Variants in ATP1B3 observed in about 807,000 individuals in gnomAD.
The protein encoded by ATP1B3 is ATPase Na+/K+ transporting subunit beta 3, also known as sodium/potassium-transporting ATPase subunit beta-3.
In ATP1B3, 10 loss-of-function variants were observed where a neutral mutation model predicts 30.2. That is an observed-to-expected ratio of 0.33 (90% confidence interval 0.20 to 0.56). The LOEUF (loss-of-function observed/expected upper bound fraction) is 0.56. Ranked by LOEUF, ATP1B3 falls within the 20% of genes least tolerant of loss-of-function variation. The pLI is 0.90. For synonymous variants in ATP1B3, 113 were observed against 117.0 expected (o/e 0.97, Z 0.22); for missense variants, 238 against 336.7 (o/e 0.71, Z 2.29).
In ATP1B3 at chr3:141,925,628, C is replaced by T; in HGVS notation, c.767C>T (p.Ala256Val). 1.2e-6 allele frequency: 2 copies of T among 1,613,464 alleles called. No homozygotes were observed. The highest frequency in any genetic ancestry group is 2.2e-5 in the East Asian group (1 of 44,880). Reference protein sequence around the residue: ...VTVECKIDGSANLKSQDDRDK... With the variant: ...VTVECKIDGSVNLKSQDDRDK... The stretch of plus-strand genomic sequence containing the variant: ...GTTGAGTGCAAGATTGATGGATCAG[C>T]CAACCTAAAAAGTCAGGATGATCGT... The change falls in exon 7 of 7, where the codon GCC becomes GTC. Residue 256 changes from alanine to valine, a missense_variant. This residue lies in a region of ATP1B3 where 50 missense variants were observed against 62.3 expected (regional missense o/e 0.80). Coordinates refer to ENST00000286371, the MANE Select transcript of ATP1B3 (RefSeq NM_001679.4).
In ATP1B3 at chr3:141,876,888, G is replaced by A; in HGVS notation, c.87G>A (p.Leu29=). 4 of 1,581,392 alleles carry A rather than the reference G, an allele frequency of 2.5e-6. No homozygotes were observed. The highest frequency in any genetic ancestry group is 2.3e-5 in the South Asian group (2 of 88,814). Residue 29 remains leucine, a synonymous_variant, in exon 1 of 7, where the codon CTG becomes CTA. Coordinates refer to ENST00000286371, the MANE Select transcript of ATP1B3 (RefSeq NM_001679.4). ...FIYNPTTGEF[L]GRTAKSWGLI... is the part of the protein sequence containing the mutation. ...ACAACCCGACCACCGGAGAATTCCT[G>A]GGGCGCACCGCCAAGAGCTGGGGTG...
At chr3:141,900,207 C>T (rs2107771111) in intron 1 of ATP1B3, among the ~76,000 whole-genome samples, 1 of 152,048 alleles carries the variant, frequency 6.6e-6, no homozygotes, top group African/African-American at 2.4e-5. Context: ...AAACCAAGTC[C>T]CTACATGGTT....
intron 5 of ATP1B3, chr3:141,916,613 A>G (rs1020333746): frequency 8.3e-6 from 10 of 1,200,824 alleles, no homozygotes; most frequent in Non-Finnish European, 1.1e-5. Flanking sequence ...TAAATTTATC[A>G]TTGTGCTAAA....
At chr3:141,915,190 T>C (rs1444450669) in intron 4 of ATP1B3, among the ~76,000 whole-genome samples, 1 of 152,184 alleles carries the variant, frequency 6.6e-6, no homozygotes, top group African/African-American at 2.4e-5. Flanking sequence ...CCTGAGACCA[T>C]GCTTGCTGAT....
Position 141,876,662 on chromosome 3 carries a change from C to T in ATP1B3, c.-140C>T, listed in dbSNP as rs1012774592. On this transcript the variant is annotated 5_prime_UTR_variant, in exon 1 of 7. Transcript: ENST00000286371. ...CGGCGCAGTCGGCTCGAGTACTCCC[C>T]GTAACGAGGAGGTGTTCTCGGCCGT... 4 of 545,354 alleles carry T rather than the reference C, an allele frequency of 7.3e-6. No individual in the cohort carries two copies. Among genetic ancestry groups the T allele is most frequent in the South Asian group, 6.4e-5 (3 of 46,944 alleles). 33.8% of individuals were successfully genotyped at this position (545,354 alleles called of 1,614,324 possible).
At chr3:141,878,077 T>G (rs950852076) in intron 1 of ATP1B3, among the ~76,000 whole-genome samples, 1 of 152,174 alleles carries the variant, frequency 6.6e-6, no homozygotes, top group Non-Finnish European at 1.5e-5. Flanking sequence ...ACTTGAAGTC[T>G]TATCACAAGC....
chr3:141,905,165 G>A (rs1934240859), intron 2 of ATP1B3, among the ~76,000 whole-genome samples: 1 of 152,168 alleles, frequency 6.6e-6, no homozygotes, highest in African/African-American at 2.4e-5. Flanking sequence ...TGACAGAGAA[G>A]GGAAGGTTCT....
intron 1 of ATP1B3, among the ~76,000 whole-genome samples, chr3:141,883,528 G>GA (rs1933772687): frequency 6.6e-6 from 1 of 152,030 alleles, no homozygotes; most frequent in South Asian, 2.1e-4. Flanking sequence ...AAAAAGTTAA[G>GA]ACTCAACAAA....
chr3:141,902,502 A>G (rs1934183564), intron 1 of ATP1B3, among the ~76,000 whole-genome samples: 1 of 152,234 alleles, frequency 6.6e-6, no homozygotes, highest in Non-Finnish European at 1.5e-5. Flanking sequence ...CTTGAAATAC[A>G]AGTGACTTTA....
intron 5 of ATP1B3, among the ~76,000 whole-genome samples, chr3:141,919,760 GAAACCCCAT>G (rs755616843): frequency 1.9e-4 from 29 of 151,822 alleles, no homozygotes; most frequent in Non-Finnish European, 3.4e-4. Context: ...CTAACATGGT[GAAACCCCAT>G]CTCTACTAAA....
At chr3:141,889,144 G>GA (rs1360162994) in intron 1 of ATP1B3, among the ~76,000 whole-genome samples, 1 of 152,062 alleles carries the variant, frequency 6.6e-6, no homozygotes, top group Non-Finnish European at 1.5e-5. Context: ...ATTATCACAA[G>GA]AACAGCAAGG....
intron 2 of ATP1B3, 40 bp downstream of exon 2, chr3:141,903,788 GTT>G: frequency 6.9e-7 from 1 of 1,449,016 alleles, no homozygotes; most frequent in Admixed American, 2.0e-5. Flanking sequence ...TTTGTTTTTT[GTT>G]TTTTTTTTGA....
Position 141,876,792 on chromosome 3 carries a change from C to T in ATP1B3, c.-10C>T. The T allele has an allele frequency of 1.3e-6, 2 of 1,587,534 alleles. No homozygotes were observed. The highest frequency in any genetic ancestry group is 8.6e-7 in the Non-Finnish European group (1 of 1,165,790). ...CGGCCGCAGCTCCTCTCGCCGTCCG[C>T]GCGCACACCATGACGAAGAACGAGA... On this transcript the variant is annotated 5_prime_UTR_variant, in exon 1 of 7. Coordinates refer to ENST00000286371, the MANE Select transcript of ATP1B3 (RefSeq NM_001679.4).
At position 141,913,847 on chromosome 3, in the gene ATP1B3, A is replaced by G. The variant is rs1934410157; in HGVS notation, c.531+11A>G. 6.3e-7 allele frequency: 1 copy of G among 1,584,116 alleles called. No homozygotes were observed. Among genetic ancestry groups the G allele is most frequent in the Non-Finnish European group, 8.6e-7 (1 of 1,167,816 alleles). ...GTGAAAATGAACAGAGTACGTACAT[A>G]TTTTACCTCTGCTGCTGCTTTTTTC... On this transcript the variant is annotated intron_variant, in intron 4 of 6. Coordinates refer to ENST00000286371, the MANE Select transcript of ATP1B3 (RefSeq NM_001679.4).
chr3:141,888,826 A>G, intron 1 of ATP1B3, among the ~76,000 whole-genome samples: 1 of 152,218 alleles, frequency 6.6e-6, no homozygotes, highest in African/African-American at 2.4e-5. Context: ...CCGCCATGTA[A>G]GATGTGACTT....
intron 1 of ATP1B3, 93 bp downstream of exon 1, chr3:141,877,003 C>G: frequency 9.8e-7 from 1 of 1,016,672 alleles, no homozygotes; most frequent in Non-Finnish European, 1.3e-6. Context: ...GAGGCGGCTC[C>G]CAGCGCCGGG....
chr3:141,877,325 C>T (rs1175224970), intron 1 of ATP1B3, among the ~76,000 whole-genome samples: 3 of 152,036 alleles, frequency 2.0e-5, no homozygotes, highest in African/African-American at 7.2e-5. Context: ...CGGAGGCGCC[C>T]GGCCCGCTGA....
intron 1 of ATP1B3, among the ~76,000 whole-genome samples, chr3:141,895,249 C>T (rs1317098592): frequency 2.0e-5 from 3 of 146,448 alleles, no homozygotes; most frequent in Non-Finnish European, 4.5e-5. Flanking sequence ...AGTGCAGTGG[C>T]GTGATCTCAG....
rs1358054487 is a variant in ATP1B3, at chr3:141,876,661, C to T, written c.-141C>T. On this transcript the variant is annotated 5_prime_UTR_variant, in exon 1 of 7. Coordinates refer to ENST00000286371, the MANE Select transcript of ATP1B3 (RefSeq NM_001679.4). ...GCGGCGCAGTCGGCTCGAGTACTCC[C>T]CGTAACGAGGAGGTGTTCTCGGCCG... 5.6e-6 allele frequency: 3 copies of T among 539,078 alleles called. No individual in the cohort carries two copies. Among genetic ancestry groups the T allele is most frequent in the African/African-American group, 2.1e-5 (1 of 48,304 alleles). The allele number at this position is 539,078 out of a possible 1,614,324, so 33.4% of individuals were successfully genotyped here.
Sources: gnomAD v4.1 joint callset for allele counts (sites outside exome capture counted in the v4.1 genomes callset) on GRCh38, gnomAD v4.1.1 for gene constraint, gnomAD v4.1.1 regional missense constraint, MANE v1.5 for transcripts, NCBI Gene and HGNC (gene_info 2026-07-23, HGNC 2026-07-21) for gene names.